The following GPHN variants were observed in gnomAD, a reference collection of about 807,000 sequenced individuals.
GPHN encodes gephyrin.
In GPHN, 17 loss-of-function variants were observed where a neutral mutation model predicts 95.5. The ratio of observed to expected loss-of-function variants is 0.18; its 90% CI spans 0.12 to 0.27. The LOEUF (loss-of-function observed/expected upper bound fraction) is 0.27, where lower values mean the gene tolerates loss of function less well. Ranked by LOEUF, GPHN falls within the 10% of genes least tolerant of loss-of-function variation. The probability of loss-of-function intolerance (pLI) is 1.00; values close to 1 mark genes in which losing one functional copy is unlikely to be tolerated. For synonymous variants in GPHN, 320 were observed against 322.5 expected (o/e 0.99, Z 0.08); for missense variants, 660 against 978.1 (o/e 0.67, Z 4.34).
At chr14:67,724,653 C>T in the GPHN span, 1 of 1,199,358 alleles carries the variant, frequency 8.3e-7, no homozygotes, top group Non-Finnish European at 1.2e-6. Context: ...CCACTGGGGC[C>T]TCTGTCCATA....
At chr14:67,330,218 C>T in the GPHN span, among the ~76,000 whole-genome samples, 8 of 150,396 alleles carry the variant, frequency 5.3e-5, no homozygotes, top group Admixed American at 5.3e-4. Flanking sequence ...AGTTGGAGGG[C>T]ATTTGTCTTT....
chr14:67,267,849 G>A, the GPHN span, among the ~76,000 whole-genome samples: 4 of 152,104 alleles, frequency 2.6e-5, no homozygotes, highest in African/African-American at 4.8e-5. Context: ...AATCATACTC[G>A]TGTCTGGCAT....
At chr14:67,364,871 G>A in the GPHN span, 3 of 1,614,008 alleles carry the variant, frequency 1.9e-6, no homozygotes, top group Non-Finnish European at 2.5e-6. Context: ...GCTTATGTCA[G>A]CTTGCTGGAA....
chr14:66,683,966 A>C (rs1438504725), intron 2 of GPHN, among the ~76,000 whole-genome samples: 2 of 147,210 alleles, frequency 1.4e-5, no homozygotes, highest in East Asian at 2.0e-4. Context: ...ACAGAGCAAG[A>C]CTCCGTCTCA....
chr14:66,956,721 T>C (rs1166139353), intron 8 of GPHN, among the ~76,000 whole-genome samples: 1 of 152,172 alleles, frequency 6.6e-6, no homozygotes, highest in African/African-American at 2.4e-5. Flanking sequence ...TGCCCACTTT[T>C]TGATGGGGTT....
At chr14:67,691,144 G>A in the GPHN span, 24 of 1,609,724 alleles carry the variant, frequency 1.5e-5, no homozygotes, top group Non-Finnish European at 2.0e-5. Flanking sequence ...TCTTACCCAA[G>A]TGGTTGACTC....
chr14:67,079,521 A>G (rs2076612249), intron 11 of GPHN, among the ~76,000 whole-genome samples: 1 of 152,036 alleles, frequency 6.6e-6, no homozygotes. Context: ...CATATAATAC[A>G]TGGTCTTTTG....
chr14:67,445,986 C>A, the GPHN span: 4 of 495,272 alleles, frequency 8.1e-6, no homozygotes, highest in East Asian at 5.7e-5. Context: ...AGAAACAGTT[C>A]AAAAAATAGG....
At chr14:66,667,159 A>C (rs948054504) in intron 1 of GPHN, among the ~76,000 whole-genome samples, 1 of 152,246 alleles carries the variant, frequency 6.6e-6, no homozygotes, top group Admixed American at 6.5e-5. Flanking sequence ...ATGGAGAAAC[A>C]TTCCATGCTC....
the GPHN span, chr14:67,572,402 G>A: frequency 4.0e-5 from 22 of 551,678 alleles, no homozygotes; most frequent in South Asian, 3.7e-4. Context: ...GGGGATGGGG[G>A]CAGGGGGCGT....
At chr14:67,691,284 A>G in the GPHN span, 1 of 1,441,848 alleles carries the variant, frequency 6.9e-7, no homozygotes, top group South Asian at 1.1e-5. Context: ...GTGGCTAGCC[A>G]AGGCTATTAC....
At chr14:67,274,043 C>T in the GPHN span, among the ~76,000 whole-genome samples, 115 of 152,118 alleles carry the variant, frequency 7.6e-4, no homozygotes, top group African/African-American at 2.0e-3. Context: ...GATGGGTAGA[C>T]GGTGAAAATT....
chr14:66,872,547 A>T (rs930715216), intron 4 of GPHN, among the ~76,000 whole-genome samples: 25 of 152,176 alleles, frequency 1.6e-4, no homozygotes, highest in Admixed American at 1.6e-3. Context: ...GACTTTAGGA[A>T]AATGAAATTT....
At chr14:66,577,149 TCTAA>T (rs936262606) in intron 1 of GPHN, among the ~76,000 whole-genome samples, 1 of 152,196 alleles carries the variant, frequency 6.6e-6, no homozygotes, top group African/African-American at 2.4e-5. Flanking sequence ...ATTCTGCATT[TCTAA>T]CTAACTCCCA....
chr14:67,554,074 A>G, the GPHN span, among the ~76,000 whole-genome samples: 10 of 152,158 alleles, frequency 6.6e-5, no homozygotes, highest in African/African-American at 2.4e-4. Flanking sequence ...TCTCTGTCCA[A>G]GGGAATGTGC....
rs74790513 is a variant in GPHN, at chr14:66,844,096, G to C, written c.294+19530G>C. Among the ~76,000 whole-genome samples, 1,069 of 151,988 alleles carry C rather than the reference G, an allele frequency of 7.0e-3. 5 individuals are homozygous for C. The highest frequency in any genetic ancestry group is 0.025 in the African/African-American group (1,021 of 41,468). The stretch of plus-strand genomic sequence containing the variant: ...TTTAATTATCTTATAATTCTTTGTA[G>C]TTTAGATTAAAGTAGCTTTCTGCTC... On this transcript the variant is annotated intron_variant, in intron 4 of 22. Transcript: ENST00000478722.
At chr14:66,555,369 A>T (rs2059967145) in intron 1 of GPHN, among the ~76,000 whole-genome samples, 1 of 152,172 alleles carries the variant, frequency 6.6e-6, no homozygotes, top group Non-Finnish European at 1.5e-5. Flanking sequence ...AGGCAAATGA[A>T]GTGAATATTT....
chr14:66,823,862 T>G (rs2061297442), intron 3 of GPHN, among the ~76,000 whole-genome samples: 1 of 152,174 alleles, frequency 6.6e-6, no homozygotes, highest in Admixed American at 6.5e-5. Context: ...AATGAAACAA[T>G]GTAATACCAA....
At chr14:67,303,244 C>G in the GPHN span, among the ~76,000 whole-genome samples, 1 of 152,146 alleles carries the variant, frequency 6.6e-6, no homozygotes, top group Non-Finnish European at 1.5e-5. Context: ...TCACTTTGTA[C>G]ACACGCACAG....
Sources: gnomAD v4.1 joint callset for allele counts (sites outside exome capture counted in the v4.1 genomes callset) on GRCh38, gnomAD v4.1.1 for gene constraint, MANE v1.5 for transcripts, NCBI Gene and HGNC (gene_info 2026-07-23, HGNC 2026-07-21) for gene names.